The following CHCT1 variants were observed in gnomAD, a reference collection of about 807,000 sequenced individuals.
CHCT1 encodes the protein CHD1 helical C-terminal domain containing 1.
the CHCT1 span, chr17:60,429,631 G>T: frequency 6.8e-7 from 1 of 1,480,064 alleles, no homozygotes. Context: ...TTTCCCAAGA[G>T]TAGACTCAAG....
At chr17:60,423,188 T>C in the CHCT1 span, among the ~76,000 whole-genome samples, 1 of 151,734 alleles carries the variant, frequency 6.6e-6, no homozygotes, top group East Asian at 1.9e-4. Flanking sequence ...TTTCTTTTTT[T>C]CTTTGTTCTT....
chr17:60,429,665 C>A, the CHCT1 span: 2 of 1,062,930 alleles, frequency 1.9e-6, no homozygotes, highest in Middle Eastern at 2.3e-4. Context: ...CTGCCCCCAG[C>A]CTGACAAGCT....
chr17:60,422,428 G>A, the CHCT1 span: 1 of 1,479,980 alleles, frequency 6.8e-7, no homozygotes, highest in Non-Finnish European at 9.0e-7. Context: ...AAATGGGAGC[G>A]GGGTGGGGGG....
chr17:60,422,932 TGGA>T, the CHCT1 span, among the ~76,000 whole-genome samples: 1 of 152,046 alleles, frequency 6.6e-6, no homozygotes, highest in African/African-American at 2.4e-5. Context: ...TGTGCTGTGT[TGGA>T]GGAGTTGATC....
the CHCT1 span, chr17:60,422,335 C>T: frequency 1.2e-6 from 1 of 828,148 alleles, no homozygotes; most frequent in Non-Finnish European, 1.7e-6. Flanking sequence ...CCAAAGTCTT[C>T]GCTCGACCCC....
chr17:60,429,410 C>A, the CHCT1 span: 7 of 1,614,204 alleles, frequency 4.3e-6, no homozygotes, highest in Non-Finnish European at 5.9e-6. Flanking sequence ...GCTGGCCGAC[C>A]GGGAAGACAG....
At chr17:60,423,428 G>A in the CHCT1 span, among the ~76,000 whole-genome samples, 35 of 150,316 alleles carry the variant, frequency 2.3e-4, no homozygotes, top group Non-Finnish European at 4.6e-4. Flanking sequence ...CCTGACTTCA[G>A]GTGATCCACC....
the CHCT1 span, among the ~76,000 whole-genome samples, chr17:60,429,719 T>A: frequency 2.8e-4 from 42 of 152,264 alleles, 1 homozygote; most frequent in Admixed American, 1.8e-3. Context: ...GCATTTTCCT[T>A]TCTGTTTTTT....
the CHCT1 span, among the ~76,000 whole-genome samples, chr17:60,427,569 C>G: frequency 3.3e-5 from 5 of 152,214 alleles, no homozygotes; most frequent in African/African-American, 1.2e-4. Context: ...AGGTGCACAC[C>G]ACTGTGCCTA....
the CHCT1 span, chr17:60,426,454 C>A: frequency 2.5e-6 from 3 of 1,212,772 alleles, no homozygotes; most frequent in Non-Finnish European, 3.4e-6. Context: ...GAGTCAAGAG[C>A]CTGAGGGGAT....
At chr17:60,431,246 A>G in the CHCT1 span, 1 of 1,603,700 alleles carries the variant, frequency 6.2e-7, no homozygotes. Context: ...AGCCCCAGAA[A>G]CTCCAGAGAC....
chr17:60,431,273 C>T, the CHCT1 span: 2 of 1,589,622 alleles, frequency 1.3e-6, no homozygotes, highest in East Asian at 4.5e-5. Context: ...GTAAGAAGAC[C>T]AACTGGGACA....
the CHCT1 span, chr17:60,422,402 A>G: frequency 3.6e-6 from 5 of 1,403,818 alleles, no homozygotes; most frequent in South Asian, 6.9e-5. Flanking sequence ...AGCTGCAGCC[A>G]CCCCTAAGAA....
the CHCT1 span, among the ~76,000 whole-genome samples, chr17:60,429,828 T>A: frequency 6.6e-6 from 1 of 151,986 alleles, no homozygotes; most frequent in African/African-American, 2.4e-5. Context: ...TTTATTTTAT[T>A]TTATTTATTT....
chr17:60,431,279 G>C, the CHCT1 span: 3 of 1,580,426 alleles, frequency 1.9e-6, no homozygotes, highest in Non-Finnish European at 1.7e-6. Context: ...AGACCAACTG[G>C]GACAAAGGGC....
chr17:60,430,829 A>G, the CHCT1 span, among the ~76,000 whole-genome samples: 1 of 152,220 alleles, frequency 6.6e-6, no homozygotes, highest in Non-Finnish European at 1.5e-5. Flanking sequence ...TGCAAACAGT[A>G]CTGGGAATTG....
chr17:60,425,052 G>T, the CHCT1 span, among the ~76,000 whole-genome samples: 1 of 152,114 alleles, frequency 6.6e-6, no homozygotes, highest in Non-Finnish European at 1.5e-5. Context: ...ACCAAAGAAT[G>T]CAGTTTCCAC....
chr17:60,422,429 G>T, the CHCT1 span: 1 of 1,486,324 alleles, frequency 6.7e-7, no homozygotes, highest in Non-Finnish European at 9.0e-7. Context: ...AATGGGAGCG[G>T]GGTGGGGGGC....
the CHCT1 span, chr17:60,426,023 G>A: frequency 9.5e-6 from 12 of 1,257,248 alleles, no homozygotes; most frequent in Admixed American, 1.1e-4. Flanking sequence ...GGTGAGAGGT[G>A]CACCAGAGCC....
Sources: gnomAD v4.1 joint callset for allele counts (sites outside exome capture counted in the v4.1 genomes callset) on GRCh38, gnomAD v4.1.1 for gene constraint, MANE v1.5 for transcripts, NCBI Gene and HGNC (gene_info 2026-07-23, HGNC 2026-07-21) for gene names.